TENM1: variants seen among roughly 807,000 people sequenced by gnomAD.
TENM1 encodes teneurin transmembrane protein 1, also known as teneurin-1.
In TENM1, 35 loss-of-function variants were observed where a neutral mutation model predicts 174.8. The ratio of observed to expected loss-of-function variants is 0.20; its 90% CI spans 0.15 to 0.27. The LOEUF (loss-of-function observed/expected upper bound fraction) is 0.27. Ranked by LOEUF, TENM1 falls within the 10% of genes least tolerant of loss-of-function variation. The pLI, the probability that TENM1 is intolerant of heterozygous loss-of-function variation, is 1.00. For missense variants in TENM1, 1,633 were observed against 2,130.1 expected, an observed-to-expected ratio of 0.77 and a Z score of 4.59; for synonymous variants, 781 against 798.7, an observed-to-expected ratio of 0.98 and a Z score of 0.37.
the TENM1 span, among the ~76,000 whole-genome samples, chrX:125,178,182 T>C: frequency 9.0e-6 from 1 of 111,518 alleles, no homozygotes; most frequent in African/African-American, 3.3e-5. Context: ...ATGACTATAA[T>C]TGACCATCTT....
the TENM1 span, among the ~76,000 whole-genome samples, chrX:125,092,707 G>T: frequency 9.0e-6 from 1 of 111,588 alleles, no homozygotes; most frequent in Non-Finnish European, 1.9e-5. Context: ...AACAGATATG[G>T]AACAGAATTA....
the TENM1 span, among the ~76,000 whole-genome samples, chrX:125,007,755 T>A: frequency 9.0e-6 from 1 of 111,351 alleles, no homozygotes; most frequent in African/African-American, 3.3e-5. Context: ...GAATTTTCAA[T>A]CCAGAATTTG....
At chrX:124,860,620 A>G (rs1216559964) in intron 3 of TENM1, among the ~76,000 whole-genome samples, 1 of 111,823 alleles carries the variant, frequency 8.9e-6, no homozygotes, top group Admixed American at 9.5e-5. Flanking sequence ...CCTTCTTCCT[A>G]TGTTATTTAC....
chrX:124,644,204 C>CATATATAT (rs1489841676), intron 10 of TENM1, among the ~76,000 whole-genome samples: 5 of 98,167 alleles, frequency 5.1e-5, no homozygotes, highest in African/African-American at 1.9e-4. Flanking sequence ...TATAAATTTA[C>CATATATAT]ATATACATAT....
intron 4 of TENM1, among the ~76,000 whole-genome samples, chrX:124,727,436 GA>G (rs1000041437): frequency 1.8e-5 from 2 of 111,913 alleles, no homozygotes. Flanking sequence ...TCTGAATTAG[GA>G]ATTTGAATTG....
chrX:124,807,252 T>C (rs1276685305), intron 3 of TENM1, among the ~76,000 whole-genome samples: 1 of 111,943 alleles, frequency 8.9e-6, no homozygotes, highest in Non-Finnish European at 1.9e-5. Context: ...CATTTCAACA[T>C]GAGATTTGGA....
At chrX:125,093,732 C>T in the TENM1 span, among the ~76,000 whole-genome samples, 1 of 111,698 alleles carries the variant, frequency 9.0e-6, no homozygotes, top group South Asian at 3.8e-4. Context: ...ACTACAAAGT[C>T]CCAGTTCTTT....
the TENM1 span, among the ~76,000 whole-genome samples, chrX:125,162,657 T>C: frequency 8.9e-6 from 1 of 112,082 alleles, no homozygotes; most frequent in Non-Finnish European, 1.9e-5. Flanking sequence ...AGTCTTTTGT[T>C]CAATCCATTT....
intron 3 of TENM1, among the ~76,000 whole-genome samples, chrX:124,760,312 T>C (rs1226622705): frequency 2.7e-5 from 3 of 112,135 alleles, no homozygotes; most frequent in African/African-American, 9.7e-5. Flanking sequence ...AAGAGAATGT[T>C]CTGCAACACC....
the TENM1 span, among the ~76,000 whole-genome samples, chrX:125,149,962 T>C: frequency 1.1e-3 from 124 of 111,476 alleles, no homozygotes; most frequent in African/African-American, 3.9e-3. Flanking sequence ...GACTATTGTT[T>C]CAGTAACCAA....
At chrX:124,728,158 A>T in intron 4 of TENM1, among the ~76,000 whole-genome samples, 1 of 109,288 alleles carries the variant, frequency 9.2e-6, no homozygotes, top group Admixed American at 9.6e-5. Flanking sequence ...AAAAAAAATC[A>T]AAGAATAAAA....
At chrX:125,036,587 T>C in the TENM1 span, among the ~76,000 whole-genome samples, 2 of 111,929 alleles carry the variant, frequency 1.8e-5, no homozygotes, top group South Asian at 7.4e-4. Flanking sequence ...AAAGGCCAAC[T>C]GGGACTTGAT....
intron 1 of TENM1, among the ~76,000 whole-genome samples, chrX:124,933,597 A>G (rs903846191): frequency 3.6e-5 from 4 of 112,407 alleles, no homozygotes; most frequent in Admixed American, 9.4e-5. Flanking sequence ...AAATTTCGAC[A>G]GGCTTTGTTA....
chrX:124,638,078 A>AT (rs1287529303), intron 11 of TENM1, among the ~76,000 whole-genome samples: 2 of 111,011 alleles, frequency 1.8e-5, no homozygotes, highest in African/African-American at 3.3e-5. Flanking sequence ...TAGGGCTATC[A>AT]TTTTTTTCCC....
intron 6 of TENM1, among the ~76,000 whole-genome samples, chrX:124,654,433 CA>C (rs2051387102): frequency 8.9e-6 from 1 of 112,436 alleles, no homozygotes; most frequent in Non-Finnish European, 1.9e-5. Context: ...AGGCAAAGAA[CA>C]TAGACGATAC....
At chrX:124,588,074 A>G (rs1415139246) in intron 11 of TENM1, among the ~76,000 whole-genome samples, 1 of 111,766 alleles carries the variant, frequency 8.9e-6, no homozygotes, top group African/African-American at 3.3e-5. Context: ...AAATAGGAAC[A>G]CTTTTACACT....
intron 3 of TENM1, among the ~76,000 whole-genome samples, chrX:124,806,950 T>C (rs966763860): frequency 2.7e-5 from 3 of 111,979 alleles, no homozygotes; most frequent in African/African-American, 9.8e-5. Context: ...ACTTGGCTCA[T>C]GGTTCTGCAA....
intron 27 of TENM1, among the ~76,000 whole-genome samples, chrX:124,399,498 G>A (rs1294804206): frequency 3.6e-5 from 4 of 111,586 alleles, no homozygotes; most frequent in South Asian, 3.7e-4. Context: ...GACATTTTTT[G>A]CACTATGCTA....
intron 3 of TENM1, among the ~76,000 whole-genome samples, chrX:124,879,935 G>T (rs992371713): frequency 8.9e-6 from 1 of 112,025 alleles, no homozygotes; most frequent in African/African-American, 3.2e-5. Context: ...ATACCATGCT[G>T]TTTTGGTTAC....
Sources: gnomAD v4.1 joint callset for allele counts (sites outside exome capture counted in the v4.1 genomes callset) on GRCh38, gnomAD v4.1.1 for gene constraint, MANE v1.5 for transcripts, NCBI Gene and HGNC (gene_info 2026-07-23, HGNC 2026-07-21) for gene names.